The following ATRNL1 variants were observed in gnomAD, a reference collection of about 807,000 sequenced individuals.
The protein encoded by ATRNL1 is attractin like 1, also known as attractin-like protein 1.
A neutral mutation model predicts 182.7 loss-of-function variants in ATRNL1; 95 were observed. That is an observed-to-expected ratio of 0.52 (90% CI 0.44 to 0.62). The LOEUF (loss-of-function observed/expected upper bound fraction) is 0.62. Among genes scored for constraint, ATRNL1 ranks in the 20% least tolerant of loss-of-function variants. The pLI is 0.00. For missense variants in ATRNL1, 1,471 were observed against 1,679.5 expected, an observed-to-expected ratio of 0.88 and a Z score of 2.17; for synonymous variants, 576 against 568.3, an observed-to-expected ratio of 1.01 and a Z score of -0.19.
At chr10:115,366,838 A>ATCC (rs1857070666) in intron 19 of ATRNL1, among the ~76,000 whole-genome samples, 3 of 145,530 alleles carry the variant, frequency 2.1e-5, no homozygotes, top group Admixed American at 6.7e-5. Context: ...AGAATGTTGA[A>ATCC]TATTGGCCCC....
intron 26 of ATRNL1, among the ~76,000 whole-genome samples, chr10:115,558,505 G>A (rs1408566476): frequency 2.6e-5 from 4 of 152,220 alleles, no homozygotes; most frequent in African/African-American, 9.6e-5. Flanking sequence ...CTGAGATGTG[G>A]CGGAAGGGGG....
intron 18 of ATRNL1, 70 bp downstream of exon 18, chr10:115,315,806 T>C (rs1321044327): frequency 9.9e-6 from 13 of 1,311,488 alleles, no homozygotes; most frequent in Non-Finnish European, 1.3e-5. Context: ...TTTGTTCTTA[T>C]AATAAAGAAA....
At chr10:115,765,268 A>G (rs2134154501) in intron 27 of ATRNL1, among the ~76,000 whole-genome samples, 1 of 152,174 alleles carries the variant, frequency 6.6e-6, no homozygotes, top group South Asian at 2.1e-4. Context: ...TGACTTTACC[A>G]TTTTGCATTC....
intron 10 of ATRNL1, among the ~76,000 whole-genome samples, chr10:115,252,229 A>G (rs1163622282): frequency 6.6e-5 from 10 of 152,058 alleles, no homozygotes; most frequent in Admixed American, 3.9e-4. Context: ...GGGTTTCACT[A>G]TGTTGGCCAG....
At chr10:115,486,148 A>T (rs1174339181) in intron 24 of ATRNL1, among the ~76,000 whole-genome samples, 1 of 152,200 alleles carries the variant, frequency 6.6e-6, no homozygotes, top group African/African-American at 2.4e-5. Flanking sequence ...TCTATCATTG[A>T]TGAGCATTTG....
At chr10:115,484,673 C>G (rs1848934855) in intron 24 of ATRNL1, among the ~76,000 whole-genome samples, 1 of 151,722 alleles carries the variant, frequency 6.6e-6, no homozygotes, top group Admixed American at 6.6e-5. Context: ...AAACTCTACA[C>G]TTAATATTTG....
chr10:115,824,971 C>A (rs1485419205), intron 27 of ATRNL1, among the ~76,000 whole-genome samples: 1 of 152,108 alleles, frequency 6.6e-6, no homozygotes, highest in Non-Finnish European at 1.5e-5. Context: ...TTCACAATAG[C>A]AAAGACTTGG....
intron 24 of ATRNL1, among the ~76,000 whole-genome samples, chr10:115,489,434 G>C (rs1849186999): frequency 6.6e-6 from 1 of 152,140 alleles, no homozygotes; most frequent in African/African-American, 2.4e-5. Flanking sequence ...ATATATTTAG[G>C]ATAGTCAGCT....
chr10:115,700,792 C>T (rs1184609472), intron 26 of ATRNL1, among the ~76,000 whole-genome samples: 1 of 151,980 alleles, frequency 6.6e-6, no homozygotes, highest in Non-Finnish European at 1.5e-5. Flanking sequence ...CGTTGGAGCA[C>T]CCAGAATTAT....
At chr10:115,578,669 T>C (rs112986366) in intron 26 of ATRNL1, among the ~76,000 whole-genome samples, 84 of 151,708 alleles carry the variant, frequency 5.5e-4, no homozygotes, top group African/African-American at 2.0e-3. Flanking sequence ...GTTTTGTTTA[T>C]ATTTTCAAAA....
At chr10:115,780,786 G>C (rs1272646279) in intron 27 of ATRNL1, among the ~76,000 whole-genome samples, 1 of 152,082 alleles carries the variant, frequency 6.6e-6, no homozygotes, top group Non-Finnish European at 1.5e-5. Context: ...AGCGTCTTTG[G>C]GCCCTTAAAA....
At chr10:115,533,662 C>CG (rs1851758624) in intron 25 of ATRNL1, among the ~76,000 whole-genome samples, 1 of 151,508 alleles carries the variant, frequency 6.6e-6, no homozygotes, top group Non-Finnish European at 1.5e-5. Flanking sequence ...AATGTGTTTG[C>CG]TCTTGCTTTT....
intron 27 of ATRNL1, among the ~76,000 whole-genome samples, chr10:115,821,221 T>A (rs782616797): frequency 6.6e-6 from 1 of 152,140 alleles, no homozygotes; most frequent in Non-Finnish European, 1.5e-5. Flanking sequence ...AGCACCTACC[T>A]CATAAATAGT....
At chr10:115,681,276 G>T (rs782062899) in intron 26 of ATRNL1, among the ~76,000 whole-genome samples, 79 of 152,174 alleles carry the variant, frequency 5.2e-4, no homozygotes, top group Non-Finnish European at 1.0e-3. Flanking sequence ...AAAGTTAATA[G>T]ATCAAAATTA....
At chr10:115,727,747 T>A (rs534418051) in intron 27 of ATRNL1, among the ~76,000 whole-genome samples, 70 of 152,092 alleles carry the variant, frequency 4.6e-4, no homozygotes, top group Non-Finnish European at 8.5e-4. Context: ...AAGGTACGAG[T>A]GGAGATGAGT....
At chr10:115,784,612 T>C (rs1555080029) in intron 27 of ATRNL1, among the ~76,000 whole-genome samples, 2 of 152,172 alleles carry the variant, frequency 1.3e-5, no homozygotes, top group Non-Finnish European at 2.9e-5. Flanking sequence ...ACAGGGTTGG[T>C]TTCTTTTGGA....
intron 26 of ATRNL1, among the ~76,000 whole-genome samples, chr10:115,616,003 C>T (rs1555020643): frequency 6.6e-6 from 1 of 152,062 alleles, no homozygotes; most frequent in African/African-American, 2.4e-5. Context: ...GTGGAGGCCT[C>T]AGAAGAAGAC....
chr10:115,546,621 A>G (rs1554993801), intron 25 of ATRNL1, among the ~76,000 whole-genome samples: 1 of 152,054 alleles, frequency 6.6e-6, no homozygotes, highest in Non-Finnish European at 1.5e-5. Context: ...AAGTATAACC[A>G]CTATGATAAT....
At chr10:115,807,105 CT>C (rs1225755867) in intron 27 of ATRNL1, among the ~76,000 whole-genome samples, 5,067 of 139,954 alleles carry the variant, frequency 0.036, 233 homozygotes, top group African/African-American at 0.12. Flanking sequence ...TACTCAGGTA[CT>C]TTTTTTTTTT....
Sources: gnomAD v4.1 joint callset for allele counts (sites outside exome capture counted in the v4.1 genomes callset) on GRCh38, gnomAD v4.1.1 for gene constraint, MANE v1.5 for transcripts, NCBI Gene and HGNC (gene_info 2026-07-23, HGNC 2026-07-21) for gene names.